The following PTGFRN variants were observed in gnomAD, a reference collection of about 807,000 sequenced individuals.
PTGFRN encodes the protein prostaglandin F2 receptor inhibitor, also known as prostaglandin F2 receptor negative regulator.
In PTGFRN, 35 loss-of-function variants were observed where a neutral mutation model predicts 83.2. That is an observed-to-expected ratio of 0.42 (90% CI 0.32 to 0.56). The LOEUF (loss-of-function observed/expected upper bound fraction) is 0.56, where lower values mean the gene tolerates loss of function less well. PTGFRN is among the 20% of genes least tolerant of loss of function. PTGFRN has a pLI of 0.11. For missense variants in PTGFRN, 1,051 were observed against 1,179.5 expected (o/e 0.89, Z 1.60); for synonymous variants, 519 against 498.6 (o/e 1.04, Z -0.55).
At chr1:116,957,363 A>G (rs1226948355) in intron 4 of PTGFRN, among the ~76,000 whole-genome samples, 2 of 151,874 alleles carry the variant, frequency 1.3e-5, no homozygotes, top group Non-Finnish European at 2.9e-5. Context: ...GGGTGTGAGC[A>G]GGCCAGGGAG....
chr1:116,917,136 G>A (rs531236069), intron 1 of PTGFRN, among the ~76,000 whole-genome samples: 2 of 152,304 alleles, frequency 1.3e-5, no homozygotes, highest in East Asian at 3.9e-4. Flanking sequence ...TTGGATATGG[G>A]CACTGTGAAG....
chr1:116,916,758 G>C (rs917445683), intron 1 of PTGFRN, among the ~76,000 whole-genome samples: 9 of 152,208 alleles, frequency 5.9e-5, no homozygotes, highest in African/African-American at 2.2e-4. Flanking sequence ...GAGAAGCTCA[G>C]TAACACGGCT....
At chr1:116,969,191 G>GT (rs1349441918) in intron 6 of PTGFRN, among the ~76,000 whole-genome samples, 2 of 150,852 alleles carry the variant, frequency 1.3e-5, no homozygotes, top group African/African-American at 4.9e-5. Flanking sequence ...ATCTAAGGCT[G>GT]TGAGGATTTA....
chr1:116,949,316 G>A lies in PTGFRN; in HGVS notation c.957G>A (p.Arg319=), dbSNP rs1409881909. ...VRPEVTWSFS[R]MPDSTLPGSR... is the part of the protein sequence containing the mutation. ...CCGAGGTGACGTGGTCCTTCAGCAG[G>A]ATGCCTGACAGCACCCTACCTGGCT... The change falls in exon 4 of 9, where the codon AGG becomes AGA. Residue 319 remains arginine (R), a synonymous_variant. Coordinates refer to ENST00000393203, the MANE Select transcript of PTGFRN (RefSeq NM_020440.4). 8.2e-5 allele frequency: 132 copies of A among 1,614,278 alleles called. No individual in the cohort carries two copies. Among genetic ancestry groups the A allele is most frequent in the Non-Finnish European group, 1.1e-4 (129 of 1,180,052 alleles).
intron 4 of PTGFRN, among the ~76,000 whole-genome samples, chr1:116,956,011 T>G (rs1318633049): frequency 6.6e-6 from 1 of 152,188 alleles, no homozygotes; most frequent in Admixed American, 6.5e-5. Flanking sequence ...TGACAGGCCT[T>G]GAAGAAGGGC....
At chr1:116,943,990 C>A (rs1023072896) in intron 2 of PTGFRN, among the ~76,000 whole-genome samples, 1 of 152,142 alleles carries the variant, frequency 6.6e-6, no homozygotes, top group Non-Finnish European at 1.5e-5. Flanking sequence ...CCTGAGTACA[C>A]CACCCATACT....
At chr1:116,922,668 C>G (rs1337946953) in intron 1 of PTGFRN, among the ~76,000 whole-genome samples, 1 of 152,200 alleles carries the variant, frequency 6.6e-6, no homozygotes, top group East Asian at 1.9e-4. Context: ...TATCATGCAG[C>G]AGGATGTGAC....
chr1:116,917,914 A>G (rs1431972832), intron 1 of PTGFRN, among the ~76,000 whole-genome samples: 3 of 152,076 alleles, frequency 2.0e-5, no homozygotes, highest in Admixed American at 6.6e-5. Flanking sequence ...CCCGGCCTGT[A>G]TGTTCCCTTT....
chr1:116,938,629 C>A (rs1649980959), intron 1 of PTGFRN, among the ~76,000 whole-genome samples: 1 of 152,138 alleles, frequency 6.6e-6, no homozygotes, highest in South Asian at 2.1e-4. Context: ...CAGAGCCAAA[C>A]CATATAATTC....
chr1:116,972,008 C>T (rs917232848), intron 6 of PTGFRN, among the ~76,000 whole-genome samples: 1 of 152,106 alleles, frequency 6.6e-6, no homozygotes, highest in Non-Finnish European at 1.5e-5. Flanking sequence ...CCCCCCTGCC[C>T]GCCCTTGCTC....
intron 6 of PTGFRN, 28 bp from the exon 7 acceptor site, chr1:116,974,188 A>C: frequency 6.7e-7 from 1 of 1,492,420 alleles, no homozygotes; most frequent in Non-Finnish European, 9.3e-7. Context: ...GAAAGAGAAT[A>C]ATGAGGCTGG....
chr1:116,949,679 T>TA, intron 4 of PTGFRN, 107 bp downstream of exon 4: 1 of 1,432,592 alleles, frequency 7.0e-7, no homozygotes. Context: ...ACTTCGACAT[T>TA]ATTTCTATTG....
chr1:116,960,804 G>A (rs1463521681), intron 4 of PTGFRN, among the ~76,000 whole-genome samples: 2 of 152,198 alleles, frequency 1.3e-5, no homozygotes, highest in Non-Finnish European at 2.9e-5. Context: ...GGAATTTACT[G>A]TTGGGTGGGG....
At chr1:116,953,012 A>C (rs1420285175) in intron 4 of PTGFRN, among the ~76,000 whole-genome samples, 1 of 152,250 alleles carries the variant, frequency 6.6e-6, no homozygotes, top group Non-Finnish European at 1.5e-5. Flanking sequence ...TCCTTCTGCT[A>C]TCAGATGTCT....
At chr1:116,977,596 C>A (rs7531625) in intron 7 of PTGFRN, among the ~76,000 whole-genome samples, 17,826 of 152,188 alleles carry the variant, frequency 0.12, 1,447 homozygotes, top group African/African-American at 0.23. Flanking sequence ...TACATGGAAA[C>A]TGAACAACCT....
intron 1 of PTGFRN, among the ~76,000 whole-genome samples, chr1:116,915,570 A>G (rs564660970): frequency 3.8e-4 from 58 of 152,074 alleles, no homozygotes; most frequent in African/African-American, 1.4e-3. Flanking sequence ...CTGAATAGGA[A>G]CTCTAGTTGT....
rs375698313 is a variant in PTGFRN, at chr1:116,958,356, A to G, written c.1214-2887A>G. On this transcript the variant is annotated intron_variant, in intron 4 of 8. Coordinates refer to ENST00000393203, the MANE Select transcript of PTGFRN (RefSeq NM_020440.4). The surrounding 1 kb of genome is among the most constrained non-coding windows in gnomAD (Gnocchi z 4.9). The stretch of plus-strand genomic sequence containing the variant: ...TCAGCGTTCCTAAAAATCATGTGTC[A>G]GTCAGTGGAACTTAGAAAATATGAA... 7.2e-5 allele frequency among the ~76,000 whole-genome samples: 11 copies of G among 152,306 alleles called. No homozygotes were observed. Among genetic ancestry groups the G allele is most frequent in the African/African-American group, 2.4e-4 (10 of 41,562 alleles).
intron 1 of PTGFRN, among the ~76,000 whole-genome samples, chr1:116,927,705 A>AT (rs1223484896): frequency 0.022 from 3,185 of 142,934 alleles, 36 homozygotes; most frequent in Middle Eastern, 0.044. Flanking sequence ...AGCTAATTAA[A>AT]TTTTTTTTTT....
chr1:116,930,127 A>G (rs1250364253), intron 1 of PTGFRN, among the ~76,000 whole-genome samples: 3 of 152,216 alleles, frequency 2.0e-5, no homozygotes, highest in Admixed American at 6.5e-5. Flanking sequence ...TGGGTAGGAA[A>G]CAGCTCCTGC....
Sources: gnomAD v4.1 joint callset for allele counts (sites outside exome capture counted in the v4.1 genomes callset) on GRCh38, gnomAD v4.1.1 for gene constraint, Gnocchi (gnomAD v3.1) non-coding constraint, MANE v1.5 for transcripts, NCBI Gene and HGNC (gene_info 2026-07-23, HGNC 2026-07-21) for gene names.